DEPDC1B: variants seen among roughly 807,000 people sequenced by gnomAD.
DEPDC1B encodes DEP domain-containing protein 1B.
Under a neutral mutation model 66.5 loss-of-function variants are expected in DEPDC1B, and 51 were observed. The ratio of observed to expected loss-of-function variants is 0.77; its 90% CI spans 0.61 to 0.97. DEPDC1B has a LOEUF of 0.97. Ranked by LOEUF, DEPDC1B falls within the 50% of genes least tolerant of loss-of-function variation. The probability of loss-of-function intolerance (pLI) is 0.00; values close to 1 mark genes in which losing one functional copy is unlikely to be tolerated. For synonymous variants in DEPDC1B, 226 were observed against 223.6 expected, an observed-to-expected ratio of 1.01 and a Z score of -0.10; for missense variants, 552 against 637.1, an observed-to-expected ratio of 0.87 and a Z score of 1.44.
chr5:60,645,352 T>C lies in DEPDC1B; in HGVS notation c.578+140A>G, dbSNP rs1346299660. On this transcript the variant is annotated intron_variant, in intron 4 of 10. Transcript: ENST00000265036. ...ATCCCCAGAATTCAGTTAAACTATG[T>C]TTGCTGATCACAACTGCAAATAATG... is the stretch of plus-strand genomic sequence containing the variant. 12 of 811,658 alleles carry C rather than the reference T, an allele frequency of 1.5e-5. No individual in the cohort carries two copies. In the East Asian group the frequency reaches 1.5e-4, roughly 10 times the overall value. 50.3% of individuals were successfully genotyped at this position (811,658 alleles called of 1,614,324 possible).
chr5:60,635,692 G>A (rs999517103), intron 7 of DEPDC1B, among the ~76,000 whole-genome samples: 1 of 152,148 alleles, frequency 6.6e-6, no homozygotes, highest in African/African-American at 2.4e-5. Flanking sequence ...AACACTTGCT[G>A]CTTCTAGTGG....
chr5:60,625,214 A>G (rs949596446), intron 7 of DEPDC1B, among the ~76,000 whole-genome samples: 1 of 152,162 alleles, frequency 6.6e-6, no homozygotes, highest in Non-Finnish European at 1.5e-5. Flanking sequence ...ATACGTGTGC[A>G]TGTGTCTTTA....
intron 2 of DEPDC1B, among the ~76,000 whole-genome samples, chr5:60,656,775 T>G (rs933269166): frequency 3.9e-5 from 6 of 152,140 alleles, no homozygotes; most frequent in Non-Finnish European, 8.8e-5. Flanking sequence ...GGGAACAGCA[T>G]GAGGAAAACT....
At chr5:60,666,847 AG>A (rs1404990590) in intron 2 of DEPDC1B, among the ~76,000 whole-genome samples, 2 of 152,192 alleles carry the variant, frequency 1.3e-5, no homozygotes, top group African/African-American at 4.8e-5. Context: ...GTAGAAAGAG[AG>A]GTCAAGCAGC....
chr5:60,656,861 G>A (rs1753590274), intron 2 of DEPDC1B, among the ~76,000 whole-genome samples: 2 of 152,180 alleles, frequency 1.3e-5, no homozygotes, highest in Non-Finnish European at 2.9e-5. Context: ...AATTCTAGAA[G>A]AGATTTGGGT....
intron 10 of DEPDC1B, among the ~76,000 whole-genome samples, chr5:60,598,445 C>T (rs1394990960): frequency 1.3e-5 from 2 of 152,156 alleles, no homozygotes; most frequent in African/African-American, 4.8e-5. Flanking sequence ...TGTGTAATCC[C>T]ACATGTACGG....
chr5:60,667,760 A>T (rs1364824401), intron 2 of DEPDC1B, among the ~76,000 whole-genome samples: 5 of 129,752 alleles, frequency 3.9e-5, no homozygotes, highest in African/African-American at 1.7e-4. Context: ...CATATATATA[A>T]AAAATGGATA....
intron 2 of DEPDC1B, among the ~76,000 whole-genome samples, chr5:60,677,229 G>T (rs1349473552): frequency 6.8e-6 from 1 of 147,392 alleles, no homozygotes; most frequent in East Asian, 2.0e-4. Flanking sequence ...ATTTGTTATG[G>T]GTTATTTTAG....
chr5:60,674,395 C>T (rs978640053), intron 2 of DEPDC1B, among the ~76,000 whole-genome samples: 1 of 152,180 alleles, frequency 6.6e-6, no homozygotes, highest in Admixed American at 6.5e-5. Flanking sequence ...CCTACATGTA[C>T]TAGTTCTTTT....
chr5:60,617,871 T>C (rs1752598942), intron 7 of DEPDC1B, among the ~76,000 whole-genome samples: 1 of 152,166 alleles, frequency 6.6e-6, no homozygotes, highest in Non-Finnish European at 1.5e-5. Flanking sequence ...ATTCCAAAAC[T>C]GACCACATAG....
chr5:60,625,017 T>C (rs1327049256), intron 7 of DEPDC1B, among the ~76,000 whole-genome samples: 2 of 151,964 alleles, frequency 1.3e-5, no homozygotes, highest in Non-Finnish European at 2.9e-5. Flanking sequence ...GTTCTTGTGA[T>C]AGTTTGCTGA....
chr5:60,672,831 C>A (rs1754072666), intron 2 of DEPDC1B, among the ~76,000 whole-genome samples: 1 of 152,166 alleles, frequency 6.6e-6, no homozygotes, highest in African/African-American at 2.4e-5. Context: ...TTGTTATAGT[C>A]CTTCCATACT....
intron 2 of DEPDC1B, among the ~76,000 whole-genome samples, chr5:60,671,891 C>G (rs950596409): frequency 3.3e-5 from 5 of 152,206 alleles, no homozygotes; most frequent in Non-Finnish European, 5.9e-5. Context: ...GAATAAACAA[C>G]AGTCTTTGCC....
chr5:60,698,178 A>AT (rs1357500908), intron 1 of DEPDC1B, among the ~76,000 whole-genome samples: 1 of 152,186 alleles, frequency 6.6e-6, no homozygotes, highest in Non-Finnish European at 1.5e-5. Flanking sequence ...AGACTTATCA[A>AT]TATTCTTGAC....
chr5:60,691,052 C>G (rs1015241975), intron 1 of DEPDC1B, among the ~76,000 whole-genome samples: 4 of 129,768 alleles, frequency 3.1e-5, no homozygotes, highest in African/African-American at 1.1e-4. Flanking sequence ...TTCACTTTTT[C>G]TACTTTTTTT....
chr5:60,670,135 A>C (rs1403197044), intron 2 of DEPDC1B, among the ~76,000 whole-genome samples: 1 of 152,236 alleles, frequency 6.6e-6, no homozygotes, highest in Non-Finnish European at 1.5e-5. Context: ...CTGTAATCCC[A>C]GCACTTTGGG....
At chr5:60,640,768 C>T (rs1311354392) in intron 6 of DEPDC1B, among the ~76,000 whole-genome samples, 2 of 152,132 alleles carry the variant, frequency 1.3e-5, no homozygotes, top group African/African-American at 4.8e-5. Flanking sequence ...TTCAAAATAC[C>T]ATACAATCAG....
intron 7 of DEPDC1B, among the ~76,000 whole-genome samples, chr5:60,612,436 A>T (rs1381291587): frequency 6.6e-6 from 1 of 151,392 alleles, no homozygotes; most frequent in African/African-American, 2.4e-5. Context: ...AAAAAAAAAA[A>T]AATAGAATTA....
At chr5:60,691,548 CA>C (rs1477982411) in intron 1 of DEPDC1B, among the ~76,000 whole-genome samples, 4 of 151,824 alleles carry the variant, frequency 2.6e-5, no homozygotes, top group Non-Finnish European at 5.9e-5. Context: ...AACTTAAAAA[CA>C]CACAGAAACA....
Sources: gnomAD v4.1 joint callset for allele counts (sites outside exome capture counted in the v4.1 genomes callset) on GRCh38, gnomAD v4.1.1 for gene constraint, MANE v1.5 for transcripts, NCBI Gene and HGNC (gene_info 2026-07-23, HGNC 2026-07-21) for gene names.